The following SLC49A4 variants were observed in gnomAD, a reference collection of about 807,000 sequenced individuals.
The protein encoded by SLC49A4 is disrupted in renal cancer protein 2.
SLC49A4 carries 36 observed loss-of-function variants against 50.6 expected under a neutral mutation model. The ratio of observed to expected loss-of-function variants is 0.71; its 90% CI spans 0.55 to 0.94. The LOEUF (loss-of-function observed/expected upper bound fraction) is 0.94. Among genes scored for constraint, SLC49A4 ranks in the 40% least tolerant of loss-of-function variants. SLC49A4 has a pLI of 0.00. For missense variants in SLC49A4, 503 were observed against 605.7 expected (o/e 0.83, Z 1.78); for synonymous variants, 248 against 241.2 (o/e 1.03, Z -0.26).
At chr3:122,830,638 G>A (rs182000847) in intron 3 of SLC49A4, among the ~76,000 whole-genome samples, 18 of 152,254 alleles carry the variant, frequency 1.2e-4, no homozygotes, top group Admixed American at 5.2e-4. Flanking sequence ...TTTGAACCCC[G>A]TTGTTAACTC....
At chr3:122,814,852 C>T (rs891347956) in intron 2 of SLC49A4, among the ~76,000 whole-genome samples, 3 of 151,698 alleles carry the variant, frequency 2.0e-5, no homozygotes, top group African/African-American at 7.3e-5. Context: ...TATGTGTGGC[C>T]CAAGACGGTT....
intron 3 of SLC49A4, among the ~76,000 whole-genome samples, chr3:122,831,341 T>C (rs1270655292): frequency 1.3e-5 from 2 of 152,074 alleles, no homozygotes; most frequent in Non-Finnish European, 2.9e-5. Context: ...TTATTTATAA[T>C]AGCGAAAAAG....
chr3:122,855,640 A>C (rs936464161), intron 5 of SLC49A4, among the ~76,000 whole-genome samples: 7 of 152,178 alleles, frequency 4.6e-5, no homozygotes, highest in Admixed American at 2.6e-4. Flanking sequence ...AAGAGACAAG[A>C]TAGATGGAGA....
chr3:122,845,272 C>T (rs1386134679), intron 4 of SLC49A4, among the ~76,000 whole-genome samples: 1 of 152,130 alleles, frequency 6.6e-6, no homozygotes, highest in Non-Finnish European at 1.5e-5. Context: ...CTGCTCCATC[C>T]GTGTTGCTGC....
intron 4 of SLC49A4, among the ~76,000 whole-genome samples, chr3:122,834,424 TACAA>T (rs1206213054): frequency 6.6e-6 from 1 of 152,170 alleles, no homozygotes; most frequent in Non-Finnish European, 1.5e-5. Context: ...CTCAAAACTG[TACAA>T]ACACACGGAA....
chr3:122,874,235 A>C (rs1206595354), intron 8 of SLC49A4, among the ~76,000 whole-genome samples: 1 of 152,198 alleles, frequency 6.6e-6, no homozygotes, highest in Non-Finnish European at 1.5e-5. Context: ...TTGCCTGGCC[A>C]GTAGTTTATC....
intron 2 of SLC49A4, among the ~76,000 whole-genome samples, chr3:122,824,308 T>G (rs1187324462): frequency 6.6e-6 from 1 of 152,220 alleles, no homozygotes; most frequent in African/African-American, 2.4e-5. Flanking sequence ...CTGGTGCTAT[T>G]CCTTCTTTGG....
At chr3:122,867,891 G>A (rs570315754) in intron 7 of SLC49A4, among the ~76,000 whole-genome samples, 141 of 151,732 alleles carry the variant, frequency 9.3e-4, no homozygotes, top group African/African-American at 3.3e-3. Context: ...CAAGACAGGC[G>A]GATCACGAGG....
At chr3:122,844,302 G>A (rs1405512965) in intron 4 of SLC49A4, among the ~76,000 whole-genome samples, 1 of 152,010 alleles carries the variant, frequency 6.6e-6, no homozygotes, top group African/African-American at 2.4e-5. Flanking sequence ...TGAACTCCTG[G>A]CCTCAAGTTA....
At position 122,795,076 on chromosome 3, in the gene SLC49A4, A is replaced by C. The variant is rs915856802; in HGVS notation, c.-117A>C. The C allele has an allele frequency of 2.1e-5, 25 of 1,167,356 alleles. No homozygotes were observed. The highest frequency in any genetic ancestry group is 6.6e-5 in the East Asian group (2 of 30,190). The allele number at this position is 1,167,356 out of a possible 1,614,324, so 72.3% of individuals were successfully genotyped here. ...CGCAGGCGCACCAGGCGCGGTCCGG[A>C]GGCCGAGGGCGACCACAGCAGCCTC... On this transcript the variant is annotated 5_prime_UTR_variant, in exon 1 of 9. Transcript: ENST00000261038.
chr3:122,850,457 A>C (rs962704837), intron 5 of SLC49A4, among the ~76,000 whole-genome samples: 1 of 152,164 alleles, frequency 6.6e-6, no homozygotes, highest in Admixed American at 6.5e-5. Context: ...ACCTCTGGCG[A>C]GTATTCTCAG....
chr3:122,814,793 C>CT (rs1225727348), intron 2 of SLC49A4, among the ~76,000 whole-genome samples: 11 of 149,854 alleles, frequency 7.3e-5, no homozygotes, highest in Admixed American at 3.3e-4. Flanking sequence ...TTTTGTGTGA[C>CT]TTTTTTTTTT....
chr3:122,796,747 C>T (rs1322339540), intron 1 of SLC49A4, among the ~76,000 whole-genome samples: 2 of 152,110 alleles, frequency 1.3e-5, no homozygotes, highest in African/African-American at 2.4e-5. Context: ...TGAGGCCTGG[C>T]GCAGTGGCTC....
At chr3:122,871,019 G>A (rs767855241) in intron 7 of SLC49A4, among the ~76,000 whole-genome samples, 3 of 152,004 alleles carry the variant, frequency 2.0e-5, no homozygotes, top group Admixed American at 1.3e-4. Context: ...ATTAGGTTAC[G>A]TTTTAAGAAT....
At chr3:122,869,379 TTATTAA>T (rs1937165795) in intron 7 of SLC49A4, among the ~76,000 whole-genome samples, 1 of 152,234 alleles carries the variant, frequency 6.6e-6, no homozygotes, top group Non-Finnish European at 1.5e-5. Context: ...TGTATCTTAG[TTATTAA>T]TATTATTATA....
intron 5 of SLC49A4, among the ~76,000 whole-genome samples, chr3:122,851,509 T>C (rs1352436690): frequency 2.6e-5 from 4 of 152,202 alleles, no homozygotes; most frequent in East Asian, 1.9e-4. Context: ...ATTGTTTTAA[T>C]TGAGAAGTTA....
intron 1 of SLC49A4, among the ~76,000 whole-genome samples, chr3:122,798,789 C>T (rs1227102025): frequency 6.6e-6 from 1 of 151,648 alleles, no homozygotes; most frequent in African/African-American, 2.4e-5. Flanking sequence ...AGGCACGCAC[C>T]ACCAAGCCTG....
intron 4 of SLC49A4, among the ~76,000 whole-genome samples, chr3:122,838,150 T>C (rs200489617): frequency 4.6e-5 from 7 of 151,544 alleles, no homozygotes; most frequent in South Asian, 2.1e-4. Context: ...GTCAGTGTGG[T>C]GATTCCTCAG....
intron 5 of SLC49A4, among the ~76,000 whole-genome samples, chr3:122,853,926 T>C (rs993561577): frequency 6.6e-6 from 1 of 152,240 alleles, no homozygotes; most frequent in Admixed American, 6.5e-5. Flanking sequence ...AAAGCAATTT[T>C]TTAAATTTTT....
Sources: allele counts gnomAD v4.1 joint callset (sites outside exome capture counted in the v4.1 genomes callset), GRCh38; gene constraint gnomAD v4.1.1; transcripts MANE v1.5; gene names NCBI Gene and HGNC (gene_info 2026-07-23, HGNC 2026-07-21).